Variants in BRSK2 observed in about 807,000 individuals in gnomAD.
BRSK2 encodes the protein serine/threonine-protein kinase BRSK2.
BRSK2 carries 19 observed loss-of-function variants against 83.3 expected under a neutral mutation model. That is an observed-to-expected ratio of 0.23 (90% confidence interval 0.16 to 0.33). BRSK2 has a LOEUF of 0.33. Ranked by LOEUF, BRSK2 falls within the 10% of genes least tolerant of loss-of-function variation. The pLI is 1.00. For missense variants in BRSK2, 798 were observed against 1,042.3 expected, an observed-to-expected ratio of 0.77 and a Z score of 3.23; for synonymous variants, 519 against 435.4, an observed-to-expected ratio of 1.19 and a Z score of -2.39.
At chr11:1,448,123 G>A (rs753397934) in intron 12 of BRSK2, among the ~76,000 whole-genome samples, 71 of 152,312 alleles carry the variant, frequency 4.7e-4, no homozygotes, top group African/African-American at 1.3e-3. Flanking sequence ...AGAGCCCGGC[G>A]TGGCTGCAGG....
chr11:1,422,568 C>T (rs945314298), intron 1 of BRSK2, among the ~76,000 whole-genome samples: 1 of 152,132 alleles, frequency 6.6e-6, no homozygotes, highest in Admixed American at 6.5e-5. Flanking sequence ...GGATGCATGG[C>T]TGACAGTCCC....
chr11:1,443,285 C>T (rs1464810748), intron 6 of BRSK2, 50 bp from the exon 7 acceptor site: 14 of 1,557,304 alleles, frequency 9.0e-6, no homozygotes, highest in Non-Finnish European at 1.1e-5. Flanking sequence ...CCCTCCAAGG[C>T]CCCCGCCCTG....
chr11:1,428,917 G>C (rs1849567148), intron 1 of BRSK2, among the ~76,000 whole-genome samples: 1 of 151,104 alleles, frequency 6.6e-6, no homozygotes, highest in African/African-American at 2.4e-5. Context: ...GTGCTTGTGT[G>C]CACTGGAGGT....
chr11:1,426,020 C>T (rs116935389), intron 1 of BRSK2, among the ~76,000 whole-genome samples: 3,585 of 152,346 alleles, frequency 0.024, 57 homozygotes, highest in Non-Finnish European at 0.033. Context: ...ACCTGTCCAG[C>T]CTTCCCCCTA....
At chr11:1,452,102 G>C (rs1422958534) in intron 15 of BRSK2, among the ~76,000 whole-genome samples, 1 of 152,214 alleles carries the variant, frequency 6.6e-6, no homozygotes, top group Non-Finnish European at 1.5e-5. Context: ...GCGGCAGAGA[G>C]CGGCGGTCAG....
At chr11:1,406,846 G>A (rs143629905) in intron 1 of BRSK2, among the ~76,000 whole-genome samples, 10 of 152,352 alleles carry the variant, frequency 6.6e-5, no homozygotes, top group East Asian at 1.9e-4. Context: ...CGAGGTACAC[G>A]CATGTGTGTG....
chr11:1,418,525 A>C (rs1454471740), intron 1 of BRSK2, among the ~76,000 whole-genome samples: 2 of 104,200 alleles, frequency 1.9e-5, no homozygotes, highest in Non-Finnish European at 3.8e-5. Flanking sequence ...AGAGTGGGTC[A>C]CCTGTGTCCT....
intron 1 of BRSK2, among the ~76,000 whole-genome samples, chr11:1,406,965 G>T (rs146546744): frequency 2.0e-5 from 3 of 152,324 alleles, no homozygotes; most frequent in African/African-American, 4.8e-5. Flanking sequence ...CTGCCTGTGC[G>T]TGCAAACGTG....
rs769761841 is a variant in BRSK2 at position 1,411,564 on chromosome 11, C to T, written c.91+21189C>T. The T allele has an allele frequency of 3.2e-6, 5 of 1,579,364 alleles. No individual in the cohort carries two copies. The South Asian group carries it at 5.6e-5, about 18-fold the overall frequency. On this transcript the variant is annotated intron_variant, in intron 1 of 19. Transcript: ENST00000528841. ...GCCAGCTGGCCACACTCCCGGCCCA[C>T]AGCTGCTCCAGCCGCACCTCCACCT...
intron 2 of BRSK2, among the ~76,000 whole-genome samples, chr11:1,436,429 G>A (rs912960404): frequency 2.6e-5 from 4 of 152,170 alleles, no homozygotes; most frequent in South Asian, 2.1e-4. Context: ...GCTAGCAGGC[G>A]GGGCTTCAGT....
In BRSK2 at chr11:1,454,898, T is replaced by A. The variant is rs1369515882; in HGVS notation, c.1668+290T>A. On this transcript the variant is annotated intron_variant, in intron 16 of 19. Coordinates refer to ENST00000528841, the MANE Select transcript of BRSK2 (RefSeq NM_001256627.2). The surrounding 1 kb of genome is among the most constrained non-coding windows in gnomAD (Gnocchi z 5.2). ...TGTGTGCCGGACAGGCCTGGGCAGC[T>A]GGCACGTGGGGCAGAAGGAAGGCTC... 6.6e-6 allele frequency among the ~76,000 whole-genome samples: 1 copy of A among 152,160 alleles called. No individual in the cohort carries two copies. The highest frequency in any genetic ancestry group is 1.5e-5 in the Non-Finnish European group (1 of 68,022).
rs1851658583 is a variant in BRSK2, at chr11:1,443,712, A to T, written c.780+77A>T. ...GGCGGGCGTGTGCCTGTGTGTGCAC[A>T]GGTGTGTGCCCAGACGTGTGGGCAC... On this transcript the variant is annotated intron_variant, in intron 8 of 19. Transcript: ENST00000528841. 2.9e-6 allele frequency: 4 copies of T among 1,369,654 alleles called. No homozygotes were observed. In the Admixed American group the frequency reaches 1.1e-4, roughly 37 times the overall value. The allele number at this position is 1,369,654 out of a possible 1,614,324, so 84.8% of individuals were successfully genotyped here. A position where few individuals can be genotyped will look rare whatever the true frequency, so the allele number is the denominator to read the frequency against.
In BRSK2 at chr11:1,438,270, C is replaced by T; in HGVS notation, c.187-36C>T. The T allele has an allele frequency of 6.2e-7, 1 of 1,604,302 alleles. No individual in the cohort carries two copies. Among genetic ancestry groups the T allele is most frequent in the Non-Finnish European group, 8.5e-7 (1 of 1,171,404 alleles). On this transcript the variant is annotated intron_variant, in intron 2 of 19. Coordinates refer to ENST00000528841, the MANE Select transcript of BRSK2 (RefSeq NM_001256627.2). This position sits in a 1 kb window ranked among gnomAD's most constrained non-coding sequence, Gnocchi z 6.4. ...GTGGGGAGCGATGCGTGCCCCAGCC[C>T]TGTGAGCGTGATGTTCTCTGGCCTC...
chr11:1,454,191 A>ACCTGTGGG lies in BRSK2; in HGVS notation c.1545-294_1545-293insCCTGTGGG, dbSNP rs1554914766. 815 of 179,002 alleles carry ACCTGTGGG rather than the reference A, an allele frequency of 4.6e-3. 13 individuals are homozygous for ACCTGTGGG. Among genetic ancestry groups the ACCTGTGGG allele is most frequent in the East Asian group, 0.011 (61 of 5,496 alleles). 11.1% of individuals were successfully genotyped at this position (179,002 alleles called of 1,614,324 possible). On this transcript the variant is annotated intron_variant, in intron 15 of 19. Transcript: ENST00000528841. The surrounding 1 kb of genome is among the most constrained non-coding windows in gnomAD (Gnocchi z 5.2). ...TCACCTGTGGGGGGCTCACCTGTGG[A>ACCTGTGGG]GGGGCATCCCCAGACTTGGGAGTGG...
chr11:1,461,371 C>A lies in BRSK2; in HGVS notation c.*648C>A, dbSNP rs878975496. Reference sequence around the variant, plus strand: ...CCTGGCTGCGCCGCCTCCGTGTAGTCTTGGCCTCCTCAGGCTGCCTCCCGT... The same window carrying A: ...CCTGGCTGCGCCGCCTCCGTGTAGTATTGGCCTCCTCAGGCTGCCTCCCGT... On this transcript the variant is annotated 3_prime_UTR_variant, in exon 20 of 20. Coordinates refer to ENST00000528841, the MANE Select transcript of BRSK2 (RefSeq NM_001256627.2). 72 of 309,046 alleles carry A rather than the reference C, an allele frequency of 2.3e-4. 2 individuals are homozygous for A. In the South Asian group the frequency reaches 2.3e-3, roughly 10 times the overall value. 19.1% of individuals were successfully genotyped at this position (309,046 alleles called of 1,614,324 possible).
At chr11:1,456,848 G>A in intron 18 of BRSK2, 161 bp downstream of exon 18, 1 of 1,389,550 alleles carries the variant, frequency 7.2e-7, no homozygotes, top group Non-Finnish European at 9.9e-7. Context: ...ACCCCTCAGG[G>A]AGCAGAGCCC....
chr11:1,443,722 C>A, intron 8 of BRSK2, 87 bp downstream of exon 8: 2 of 1,402,282 alleles, frequency 1.4e-6, no homozygotes, highest in Non-Finnish European at 1.9e-6. Flanking sequence ...AGGTGTGTGC[C>A]CAGACGTGTG....
intron 14 of BRSK2, 26 bp downstream of exon 14, chr11:1,450,820 A>T (rs61869028): frequency 1.3e-6 from 2 of 1,569,758 alleles, no homozygotes; most frequent in South Asian, 1.2e-5. Context: ...GAGGCGCCAG[A>T]GTGGGGCTGG....
chr11:1,403,644 G>T (rs926809841), intron 1 of BRSK2, among the ~76,000 whole-genome samples: 1 of 152,210 alleles, frequency 6.6e-6, no homozygotes, highest in Non-Finnish European at 1.5e-5. Context: ...CAGTTCAGTG[G>T]TGTCTGACAG....
Sources: gnomAD v4.1 joint callset for allele counts (sites outside exome capture counted in the v4.1 genomes callset) on GRCh38, gnomAD v4.1.1 for gene constraint, Gnocchi (gnomAD v3.1) non-coding constraint, MANE v1.5 for transcripts, NCBI Gene and HGNC (gene_info 2026-07-23, HGNC 2026-07-21) for gene names.